Variants in TBC1D14 observed in about 807,000 individuals in gnomAD.
TBC1D14 encodes the protein TBC1 domain family, member 14.
Under a neutral mutation model 79.0 loss-of-function variants are expected in TBC1D14, and 26 were observed. That is an observed-to-expected ratio of 0.33 (90% CI 0.24 to 0.46). The LOEUF is 0.46. Among genes scored for constraint, TBC1D14 ranks in the 20% least tolerant of loss-of-function variants. The pLI, the probability that TBC1D14 is intolerant of heterozygous loss-of-function variation, is 1.00. For missense variants in TBC1D14, 769 were observed against 887.6 expected (o/e 0.87, Z 1.70); for synonymous variants, 394 against 349.9 (o/e 1.13, Z -1.40).
At chr4:6,936,410 G>C (rs1315082799) in intron 2 of TBC1D14, among the ~76,000 whole-genome samples, 1 of 152,156 alleles carries the variant, frequency 6.6e-6, no homozygotes, top group East Asian at 1.9e-4. Flanking sequence ...ATCATTTTCA[G>C]ACTGGCTTCT....
chr4:7,001,546 A>C (rs1719674465), intron 7 of TBC1D14: 2 of 330,610 alleles, frequency 6.0e-6, no homozygotes, highest in Non-Finnish European at 1.1e-5. Flanking sequence ...TAGGAAGGCA[A>C]GCCTTGCCTG....
chr4:6,943,200 A>G (rs1231340105), intron 2 of TBC1D14, among the ~76,000 whole-genome samples: 1 of 152,080 alleles, frequency 6.6e-6, no homozygotes, highest in Admixed American at 6.6e-5. Context: ...ACACAACTCC[A>G]CTCAGAGTTA....
At chr4:6,989,799 C>T (rs149205725) in intron 3 of TBC1D14, among the ~76,000 whole-genome samples, 2 of 152,262 alleles carry the variant, frequency 1.3e-5, no homozygotes, top group Non-Finnish European at 2.9e-5. Flanking sequence ...ACCCTGCCTC[C>T]CTGCCTTTTT....
chr4:7,018,595 C>T (rs868634124), intron 12 of TBC1D14, among the ~76,000 whole-genome samples: 1 of 152,210 alleles, frequency 6.6e-6, no homozygotes, highest in Non-Finnish European at 1.5e-5. Context: ...CTTCCTCGGT[C>T]CCTTTTCCAG....
chr4:6,943,980 G>A (rs1000302037), intron 2 of TBC1D14, among the ~76,000 whole-genome samples: 1 of 152,172 alleles, frequency 6.6e-6, no homozygotes, highest in African/African-American at 2.4e-5. Flanking sequence ...GTTTCCGATC[G>A]CGGGCACGGC....
intron 5 of TBC1D14, among the ~76,000 whole-genome samples, chr4:6,998,358 TAAA>T (rs538598541): frequency 1.3e-4 from 15 of 117,626 alleles, no homozygotes; most frequent in Non-Finnish European, 1.3e-4. Context: ...AAACTCCGTC[TAAA>T]AAAAAAAAAA....
At chr4:6,942,970 A>T (rs964296054) in intron 2 of TBC1D14, among the ~76,000 whole-genome samples, 2 of 152,202 alleles carry the variant, frequency 1.3e-5, no homozygotes, top group Non-Finnish European at 2.9e-5. Context: ...AGTTAGGTGG[A>T]TGAATGTTCG....
intron 3 of TBC1D14, among the ~76,000 whole-genome samples, chr4:6,978,429 C>A (rs1033741670): frequency 6.6e-6 from 1 of 150,450 alleles, no homozygotes; most frequent in East Asian, 1.9e-4. Context: ...TCCTGTTGAT[C>A]TGTGACCTTA....
In TBC1D14 at chr4:7,025,160, G is replaced by T. The variant is rs758398504; in HGVS notation, c.1914G>T (p.Met638Ile). The T allele has an allele frequency of 6.2e-7, 1 of 1,614,192 alleles. No individual in the cohort carries two copies. Among genetic ancestry groups the T allele is most frequent in the South Asian group, 1.1e-5 (1 of 91,084 alleles). The change falls in exon 13 of 14, where the codon ATG (methionine) becomes ATT (isoleucine). Residue 638 changes from methionine to isoleucine, a missense_variant. Physicochemically the swap from Met to Ile is conservative, Grantham distance 10. This residue lies in a region of TBC1D14 where 367 missense variants were observed against 494.4 expected (regional missense o/e 0.74). Coordinates refer to ENST00000409757, the MANE Select transcript of TBC1D14 (RefSeq NM_020773.3). The stretch of plus-strand genomic sequence containing the variant: ...TGACCAAGATGGACTTCATTCACAT[G>T]GCCCAGTTCCTGACCCGGCTGCCCG... ...DILTKMDFIH[M>I]AQFLTRLPED...
intron 1 of TBC1D14, among the ~76,000 whole-genome samples, chr4:6,914,891 T>C (rs1179690534): frequency 6.6e-6 from 1 of 152,006 alleles, no homozygotes; most frequent in Non-Finnish European, 1.5e-5. Flanking sequence ...ATACAAAAAT[T>C]AGCCGGGCGT....
At chr4:6,972,788 T>C (rs565447376) in intron 3 of TBC1D14, among the ~76,000 whole-genome samples, 7 of 152,284 alleles carry the variant, frequency 4.6e-5, no homozygotes, top group African/African-American at 1.7e-4. Context: ...ACTCGAAGCT[T>C]CAGCGGTCAG....
At chr4:6,967,199 G>A in intron 2 of TBC1D14, 105 bp from the exon 3 acceptor site, 1 of 1,398,850 alleles carries the variant, frequency 7.1e-7, no homozygotes, top group Non-Finnish European at 9.7e-7. Context: ...TAAAGTACGT[G>A]GTTCTCAGAG....
intron 11 of TBC1D14, among the ~76,000 whole-genome samples, chr4:7,011,207 A>C (rs1308575212): frequency 2.0e-5 from 3 of 152,054 alleles, no homozygotes; most frequent in African/African-American, 7.2e-5. Flanking sequence ...AAGTGTGCCC[A>C]CACCCGGGAG....
intron 3 of TBC1D14, among the ~76,000 whole-genome samples, chr4:6,988,149 A>T (rs1474565166): frequency 6.6e-6 from 1 of 152,206 alleles, no homozygotes; most frequent in East Asian, 1.9e-4. Flanking sequence ...CCCCTCCCAG[A>T]TGCTAAACTG....
chr4:7,000,934 G>A (rs1577149990), intron 6 of TBC1D14, among the ~76,000 whole-genome samples: 1 of 152,192 alleles, frequency 6.6e-6, no homozygotes, highest in Non-Finnish European at 1.5e-5. Context: ...ACGCTATGCT[G>A]TGCTCCTCCA....
intron 2 of TBC1D14, among the ~76,000 whole-genome samples, chr4:6,949,398 C>T (rs926031773): frequency 2.0e-5 from 3 of 151,600 alleles, no homozygotes; most frequent in South Asian, 2.1e-4. Flanking sequence ...ACTTCTAATT[C>T]GTGGCCGGGC....
chr4:6,939,404 A>G (rs761607564), intron 2 of TBC1D14, among the ~76,000 whole-genome samples: 9 of 149,234 alleles, frequency 6.0e-5, no homozygotes, highest in Non-Finnish European at 1.2e-4. Flanking sequence ...GCGCAATGCC[A>G]CCCGACCAGG....
chr4:6,935,827 A>G (rs1577058604), intron 2 of TBC1D14, among the ~76,000 whole-genome samples: 1 of 152,056 alleles, frequency 6.6e-6, no homozygotes. Flanking sequence ...TATTTTTAGT[A>G]GAAATGGGGT....
At chr4:6,911,542 G>C (rs1024921864) in intron 1 of TBC1D14, among the ~76,000 whole-genome samples, 2 of 152,236 alleles carry the variant, frequency 1.3e-5, no homozygotes, top group Admixed American at 6.5e-5. Context: ...TTCAGCTTGG[G>C]CTTTGCCTCT....
Sources: gnomAD v4.1 joint callset for allele counts (sites outside exome capture counted in the v4.1 genomes callset) on GRCh38, gnomAD v4.1.1 for gene constraint, gnomAD v4.1.1 regional missense constraint, MANE v1.5 for transcripts, NCBI Gene and HGNC (gene_info 2026-07-23, HGNC 2026-07-21) for gene names.